CNBP: variants seen among roughly 807,000 people sequenced by gnomAD.
The protein encoded by CNBP is CCHC-type zinc finger nucleic acid binding protein, also known as cellular nucleic acid-binding protein.
CNBP carries 6 observed loss-of-function variants against 21.2 expected under a neutral mutation model. The observed-to-expected ratio is 0.28, with a 90% CI of 0.16 to 0.56. CNBP has a LOEUF of 0.56. Among genes scored for constraint, CNBP ranks in the 20% least tolerant of loss-of-function variants. The pLI is 0.93. For missense variants in CNBP, 112 were observed against 233.1 expected (o/e 0.48, Z 3.38); for synonymous variants, 61 against 74.9 (o/e 0.81, Z 0.96).
chr3:129,174,132 A>G (rs1293063397), intron 1 of CNBP, among the ~76,000 whole-genome samples: 2 of 152,128 alleles, frequency 1.3e-5, no homozygotes, highest in African/African-American at 4.8e-5. Context: ...GCCTATGAAC[A>G]TATTACCAAA....
chr3:129,169,925 T>C lies in CNBP; in HGVS notation c.*528A>G. 1 of 231,838 alleles carries C rather than the reference T, an allele frequency of 4.3e-6. No homozygotes were observed. Among genetic ancestry groups the C allele is most frequent in the Non-Finnish European group, 8.5e-6 (1 of 116,990 alleles). The allele number at this position is 231,838 out of a possible 1,614,324, so 14.4% of individuals were successfully genotyped here. On this transcript the variant is annotated 3_prime_UTR_variant, in exon 5 of 5. Coordinates refer to ENST00000422453, the MANE Select transcript of CNBP (RefSeq NM_003418.5). Reference sequence around the variant, plus strand: ...CTGTTTAGGCTTTTATTCCGATTTCTCTCGAACAGCCATTAACACGCATGT... The same window carrying C: ...CTGTTTAGGCTTTTATTCCGATTTCCCTCGAACAGCCATTAACACGCATGT...
Position 129,176,141 on chromosome 3 carries a change from G to A in CNBP, c.-14-4370C>T, listed in dbSNP as rs373212901. Among the ~76,000 whole-genome samples, 26 of 152,228 alleles carry A rather than the reference G, an allele frequency of 1.7e-4. 3 individuals are homozygous for A. Among genetic ancestry groups the A allele is most frequent in the Admixed American group, 5.9e-4 (9 of 15,286 alleles). On this transcript the variant is annotated intron_variant, in intron 1 of 4. Transcript: ENST00000422453. Reference sequence around the variant, plus strand: ...TACAGAATTCCATGATATTCCTTAGGAAAACTAAGGTAAGGTAAGACAGCT... The same window carrying A: ...TACAGAATTCCATGATATTCCTTAGAAAAACTAAGGTAAGGTAAGACAGCT...
chr3:129,171,585 A>T (rs1288040018), intron 2 of CNBP, 47 bp from the exon 3 acceptor site: 18 of 1,614,088 alleles, frequency 1.1e-5, no homozygotes, highest in Non-Finnish European at 1.5e-5. Context: ...ACCAGTCTTG[A>T]TACTAACAAA....
intron 1 of CNBP, among the ~76,000 whole-genome samples, chr3:129,181,947 C>A (rs933085905): frequency 2.0e-5 from 3 of 152,010 alleles, no homozygotes; most frequent in Non-Finnish European, 2.9e-5. Flanking sequence ...CTAAAAACAG[C>A]ATGTACCTAG....
chr3:129,181,651 G>A (rs9846879), intron 1 of CNBP, among the ~76,000 whole-genome samples: 114,045 of 115,158 alleles, frequency 0.99, 56,526 homozygotes, highest in Middle Eastern at 1. Flanking sequence ...CTCCGTCTCA[G>A]AAAAAAAAAA....
rs757530455 is a variant in CNBP at position 129,169,085 on chromosome 3, G to C, written c.*1368C>G. Among the ~76,000 whole-genome samples the C allele has an allele frequency of 1.3e-5, 2 of 150,722 alleles. No homozygotes were observed. The highest frequency in any genetic ancestry group is 1.9e-4 in the East Asian group (1 of 5,168). ...CCACTACACTCCAGCCTGGGCAACAGAGCGACACTCTGTCTCAAAAAAAAA... is the reference window on the plus strand; with the variant it reads ...CCACTACACTCCAGCCTGGGCAACACAGCGACACTCTGTCTCAAAAAAAAA... On this transcript the variant is annotated 3_prime_UTR_variant, in exon 5 of 5. Transcript: ENST00000422453.
At chr3:129,175,904 G>C (rs1937872054) in intron 1 of CNBP, among the ~76,000 whole-genome samples, 1 of 152,154 alleles carries the variant, frequency 6.6e-6, no homozygotes, top group Non-Finnish European at 1.5e-5. Context: ...TATGCAATCT[G>C]CCCTCTCCTC....
At chr3:129,179,413 C>T (rs979170336) in intron 1 of CNBP, among the ~76,000 whole-genome samples, 1 of 152,174 alleles carries the variant, frequency 6.6e-6, no homozygotes, top group Non-Finnish European at 1.5e-5. Context: ...GGTTCCTGAA[C>T]TTACTGCTTG....
chr3:129,172,416 T>C (rs1937590264), intron 1 of CNBP, among the ~76,000 whole-genome samples: 1 of 151,370 alleles, frequency 6.6e-6, no homozygotes, highest in Admixed American at 6.6e-5. Flanking sequence ...ACCCCGTCTC[T>C]ACTAAAAATA....
In CNBP at chr3:129,170,406, T is replaced by C. The variant is rs747431509; in HGVS notation, c.*47A>G. 4 of 1,499,334 alleles carry C rather than the reference T, an allele frequency of 2.7e-6. No homozygotes were observed. Among genetic ancestry groups the C allele is most frequent in the Non-Finnish European group, 3.7e-6 (4 of 1,076,024 alleles). 92.9% of individuals were successfully genotyped at this position (1,499,334 alleles called of 1,614,324 possible). A position where few individuals can be genotyped will look rare whatever the true frequency, so the allele number is the denominator to read the frequency against. ...GCCAGTGAAGAGGATTCAGAGAAAA[T>C]AATACAACCATCAATCAGAAAAAGG... On this transcript the variant is annotated 3_prime_UTR_variant, in exon 5 of 5. Coordinates refer to ENST00000422453, the MANE Select transcript of CNBP (RefSeq NM_003418.5).
chr3:129,182,434 TGGA>T (rs1938362655), intron 1 of CNBP, among the ~76,000 whole-genome samples: 1 of 152,100 alleles, frequency 6.6e-6, no homozygotes, highest in Non-Finnish European at 1.5e-5. Flanking sequence ...TCACTTCCTT[TGGA>T]AGTGCCCTGT....
rs1033194243 is a variant in CNBP, at chr3:129,169,302, C to CAA, written c.*1150_*1151insTT. Among the ~76,000 whole-genome samples the CAA allele has an allele frequency of 6.6e-6, 1 of 151,954 alleles. No individual in the cohort carries two copies. Among genetic ancestry groups the CAA allele is most frequent in the Admixed American group, 6.6e-5 (1 of 15,250 alleles). ...ACTCCGTCTCCAAAACAAAACAAAACCACCACCACCAAAAAACCTGTTCAG... is the reference window on the plus strand; with the variant it reads ...ACTCCGTCTCCAAAACAAAACAAAACAACACCACCACCAAAAAACCTGTTCAG... On this transcript the variant is annotated 3_prime_UTR_variant, in exon 5 of 5. Transcript: ENST00000422453.
At position 129,171,555 on chromosome 3, in the gene CNBP, C is replaced by T. The variant is rs1937568653; in HGVS notation, c.125-17G>A. The T allele has an allele frequency of 6.2e-7, 1 of 1,614,122 alleles. No individual in the cohort carries two copies. The highest frequency in any genetic ancestry group is 8.5e-7 in the Non-Finnish European group (1 of 1,179,966). On this transcript the variant is annotated splice_polypyrimidine_tract_variant and intron_variant, in intron 2 of 4. Transcript: ENST00000422453. ...ACTGGAAACCTGTTTTGAGCAAAAA[C>T]AAAGAATTCGGCTAGTCAGACCAGT...
In CNBP at chr3:129,171,284, C is replaced by T; in HGVS notation, c.218-7G>A. On this transcript the variant is annotated splice_polypyrimidine_tract_variant and splice_region_variant and intron_variant, in intron 3 of 4. Coordinates refer to ENST00000422453, the MANE Select transcript of CNBP (RefSeq NM_003418.5). ...CTACCGCAGTTATAGCAGGCTTCAA[C>T]AATAAGGAAAAGAAACAGGCCAAGA... 2 of 1,614,044 alleles carry T rather than the reference C, an allele frequency of 1.2e-6. No individual in the cohort carries two copies. The highest frequency in any genetic ancestry group is 1.7e-6 in the Non-Finnish European group (2 of 1,179,982).
In CNBP at chr3:129,169,725, T is replaced by C. The variant is rs1937535216; in HGVS notation, c.*728A>G. On this transcript the variant is annotated 3_prime_UTR_variant, in exon 5 of 5. Coordinates refer to ENST00000422453, the MANE Select transcript of CNBP (RefSeq NM_003418.5). ...AGTGATATAGTATACAAAAATAACA[T>C]CTTGATTTCTGTGAAAATGCATTTC... 4.6e-6 allele frequency: 1 copy of C among 216,872 alleles called. No individual in the cohort carries two copies. Among genetic ancestry groups the C allele is most frequent in the Non-Finnish European group, 9.3e-6 (1 of 107,584 alleles). 13.4% of individuals were successfully genotyped at this position (216,872 alleles called of 1,614,324 possible).
chr3:129,170,375 C>T lies in CNBP; in HGVS notation c.*78G>A. 1 of 1,281,564 alleles carries T rather than the reference C, an allele frequency of 7.8e-7. No homozygotes were observed. The highest frequency in any genetic ancestry group is 1.1e-6 in the Non-Finnish European group (1 of 878,850). The allele number at this position is 1,281,564 out of a possible 1,614,324, so 79.4% of individuals were successfully genotyped here. Reference sequence around the variant, plus strand: ...CCTGGGAGTTGCCTCTATCTGCCAACCTTTGGCCAGTGAAGAGGATTCAGA... The same window carrying T: ...CCTGGGAGTTGCCTCTATCTGCCAATCTTTGGCCAGTGAAGAGGATTCAGA... On this transcript the variant is annotated 3_prime_UTR_variant, in exon 5 of 5. Coordinates refer to ENST00000422453, the MANE Select transcript of CNBP (RefSeq NM_003418.5).
At chr3:129,175,183 C>A (rs181510646) in intron 1 of CNBP, among the ~76,000 whole-genome samples, 2 of 151,786 alleles carry the variant, frequency 1.3e-5, no homozygotes, top group East Asian at 4.0e-4. Context: ...ATTACCCAGG[C>A]GTGGTGGTAA....
chr3:129,179,980 T>C (rs751730131), intron 1 of CNBP, among the ~76,000 whole-genome samples: 1 of 151,640 alleles, frequency 6.6e-6, no homozygotes, highest in Non-Finnish European at 1.5e-5. Flanking sequence ...CACTCCCGCC[T>C]GGGCGACAGA....
chr3:129,174,179 T>A (rs1576915427), intron 1 of CNBP, among the ~76,000 whole-genome samples: 1 of 152,038 alleles, frequency 6.6e-6, no homozygotes, highest in East Asian at 1.9e-4. Flanking sequence ...TGCTTTCAGA[T>A]ATACAAAACA....
Sources: allele counts gnomAD v4.1 joint callset (sites outside exome capture counted in the v4.1 genomes callset), GRCh38; gene constraint gnomAD v4.1.1; transcripts MANE v1.5; gene names NCBI Gene and HGNC (gene_info 2026-07-23, HGNC 2026-07-21).